The following CDYL variants were observed in gnomAD, a reference collection of about 807,000 sequenced individuals.
CDYL encodes the protein chromodomain Y-like protein.
A neutral mutation model predicts 47.3 loss-of-function variants in CDYL; 8 were observed. That is an observed-to-expected ratio of 0.17 (90% confidence interval 0.10 to 0.31). The LOEUF is 0.31. Ranked by LOEUF, CDYL falls within the 10% of genes least tolerant of loss-of-function variation. The pLI, the probability that CDYL is intolerant of heterozygous loss-of-function variation, is 1.00. For missense variants in CDYL, 471 were observed against 701.4 expected (o/e 0.67, Z 3.71); for synonymous variants, 266 against 265.0 (o/e 1.00, Z -0.04).
chr6:4,739,520 C>CAAA (rs34838574), intron 3 of CDYL, among the ~76,000 whole-genome samples: 11 of 80,352 alleles, frequency 1.4e-4, no homozygotes, highest in South Asian at 4.7e-4. Flanking sequence ...AACTCTGACT[C>CAAA]AAAAAAAAAA....
intron 2 of CDYL, among the ~76,000 whole-genome samples, chr6:4,915,500 A>G (rs1020154654): frequency 6.6e-6 from 1 of 152,194 alleles, no homozygotes; most frequent in African/African-American, 2.4e-5. Flanking sequence ...GGATGGGGGC[A>G]GACACACCTC....
rs115870315 is a variant in CDYL at position 4,744,760 on chromosome 6, G to A, written c.186+9916G>A. On this transcript the variant is annotated intron_variant, in intron 3 of 8. Transcript: ENST00000328908. ...TTTTCCAAAGTCATAGCAAATAGCA[G>A]AGCCAAGACTTGAACTCAGGTCTCT... Among the ~76,000 whole-genome samples, 1,119 of 152,252 alleles carry A rather than the reference G, an allele frequency of 7.3e-3. 7 individuals are homozygous for A. The highest frequency in any genetic ancestry group is 0.011 in the Non-Finnish European group (779 of 68,008).
chr6:4,913,049 T>A (rs1247823247), intron 2 of CDYL, among the ~76,000 whole-genome samples: 1 of 152,188 alleles, frequency 6.6e-6, no homozygotes, highest in Non-Finnish European at 1.5e-5. Context: ...TCAGAGCCTT[T>A]CTCAGAGTCC....
chr6:4,754,662 ATTATCT>A (rs1758048617), intron 3 of CDYL, among the ~76,000 whole-genome samples: 1 of 152,204 alleles, frequency 6.6e-6, no homozygotes, highest in Non-Finnish European at 1.5e-5. Context: ...ATGCCATTAG[ATTATCT>A]TTATAATCTA....
rs558023561 is a variant in CDYL, at chr6:4,933,075, A to G, written c.692-2440A>G. Among the ~76,000 whole-genome samples the G allele has an allele frequency of 3.9e-5, 6 of 152,210 alleles. No homozygotes were observed. The South Asian group carries it at 1.2e-3, about 32-fold the overall frequency. On this transcript the variant is annotated intron_variant, in intron 2 of 6. Transcript: ENST00000397588. Reference sequence around the variant, plus strand: ...GCTGTGGCCTGCTCTCCTTCCTTTGAGGAAACCAGTTATTATTGCCTTCCT... The same window carrying G: ...GCTGTGGCCTGCTCTCCTTCCTTTGGGGAAACCAGTTATTATTGCCTTCCT...
intron 1 of CDYL, among the ~76,000 whole-genome samples, chr6:4,835,098 G>C (rs1471331128): frequency 6.6e-6 from 1 of 152,144 alleles, no homozygotes; most frequent in Non-Finnish European, 1.5e-5. Context: ...GTCCAGCTTT[G>C]TTCCATTGCT....
intron 2 of CDYL, among the ~76,000 whole-genome samples, chr6:4,897,818 G>T: frequency 7.6e-6 from 1 of 131,044 alleles, no homozygotes. Flanking sequence ...ATCCAGGCAT[G>T]AGGCCAAGGC....
At position 4,760,929 on chromosome 6, in the gene CDYL, A is replaced by G. The variant is rs182517287; in HGVS notation, c.186+26085A>G. On this transcript the variant is annotated intron_variant, in intron 3 of 8. Transcript: ENST00000328908. ...ATCCCAACCCCCGTAGATAAAGTCT[A>G]TTGTCCTTGTCCTATTCCTTGTAGT... 2.8e-4 allele frequency among the ~76,000 whole-genome samples: 42 copies of G among 151,788 alleles called. 2 individuals are homozygous for G. In the East Asian group the frequency reaches 4.5e-3, roughly 16 times the overall value.
chr6:4,910,425 C>A (rs949157795), intron 2 of CDYL, among the ~76,000 whole-genome samples: 2 of 152,224 alleles, frequency 1.3e-5, no homozygotes, highest in Non-Finnish European at 2.9e-5. Context: ...ACTTTCTGCT[C>A]TTTTCCTTCT....
At chr6:4,925,576 C>T (rs1466528727) in intron 2 of CDYL, among the ~76,000 whole-genome samples, 13 of 151,958 alleles carry the variant, frequency 8.6e-5, no homozygotes, top group South Asian at 2.1e-4. Flanking sequence ...CCACCACACT[C>T]GGCTAATTTT....
At chr6:4,896,253 G>A (rs1270076516) in intron 2 of CDYL, among the ~76,000 whole-genome samples, 1 of 152,262 alleles carries the variant, frequency 6.6e-6, no homozygotes, top group Non-Finnish European at 1.5e-5. Flanking sequence ...TGGAGCCCCT[G>A]ACAGCAGGCC....
chr6:4,875,008 C>T (rs1244134748), intron 1 of CDYL, among the ~76,000 whole-genome samples: 5 of 152,090 alleles, frequency 3.3e-5, no homozygotes, highest in Non-Finnish European at 7.4e-5. Flanking sequence ...AACATTCTTG[C>T]GTGGGTCTTT....
chr6:4,737,639 G>C (rs981809946), intron 3 of CDYL, among the ~76,000 whole-genome samples: 1 of 151,116 alleles, frequency 6.6e-6, no homozygotes, highest in Non-Finnish European at 1.5e-5. Context: ...AAAAAAAATA[G>C]CCTCAGCCTC....
intron 1 of CDYL, among the ~76,000 whole-genome samples, chr6:4,844,424 G>A (rs893022332): frequency 6.6e-6 from 1 of 152,126 alleles, no homozygotes. Context: ...GCAGCAATCT[G>A]CTTCCTTCAG....
rs1001987539 is a variant in CDYL at position 4,832,389 on chromosome 6, C to T, written c.24+55582C>T. Among the ~76,000 whole-genome samples the T allele has an allele frequency of 3.7e-4, 56 of 151,084 alleles. 1 individual carries two copies. Among genetic ancestry groups the T allele is most frequent in the African/African-American group, 1.2e-3 (49 of 40,504 alleles). On this transcript the variant is annotated intron_variant, in intron 1 of 6. Transcript: ENST00000397588. ...ATGCTGGATTACATTTATTGATTTG[C>T]GTATATTGAACCAGTCTTGCATCCC... is the stretch of plus-strand genomic sequence containing the variant.
At chr6:4,712,348 C>A (rs1356300988) in intron 1 of CDYL, among the ~76,000 whole-genome samples, 1 of 152,202 alleles carries the variant, frequency 6.6e-6, no homozygotes, top group Non-Finnish European at 1.5e-5. Context: ...TAGGAATCCC[C>A]CCTGGATTTC....
At chr6:4,766,895 G>T (rs556459162) in intron 3 of CDYL, among the ~76,000 whole-genome samples, 13 of 151,914 alleles carry the variant, frequency 8.6e-5, no homozygotes, top group East Asian at 1.9e-4. Flanking sequence ...CAGCTACTTG[G>T]GGGGAGCTGA....
chr6:4,828,865 T>G lies in CDYL; in HGVS notation c.24+52058T>G, dbSNP rs140586738. Among the ~76,000 whole-genome samples the G allele has an allele frequency of 4.1e-3, 623 of 151,942 alleles. 1 individual carries two copies. The highest frequency in any genetic ancestry group is 0.014 in the African/African-American group (582 of 41,210). On this transcript the variant is annotated intron_variant, in intron 1 of 6. Coordinates refer to ENST00000397588, the MANE Select transcript of CDYL (RefSeq NM_004824.4). The stretch of plus-strand genomic sequence containing the variant: ...ATTGTGCTATCTTCAAGTTCGTTGA[T>G]TAATTTTTTTCTGTTAAAAACTTTC...
At chr6:4,707,066 GT>G (rs1046348321) in intron 1 of CDYL, among the ~76,000 whole-genome samples, 4 of 152,064 alleles carry the variant, frequency 2.6e-5, no homozygotes, top group African/African-American at 9.7e-5. Context: ...CCTCAATCAG[GT>G]TTTTTTAAGG....
Sources: gnomAD v4.1 joint callset for allele counts (sites outside exome capture counted in the v4.1 genomes callset) on GRCh38, gnomAD v4.1.1 for gene constraint, MANE v1.5 for transcripts, NCBI Gene and HGNC (gene_info 2026-07-23, HGNC 2026-07-21) for gene names.